The following HAUS6 variants were observed in gnomAD, a reference collection of about 807,000 sequenced individuals.
The protein encoded by HAUS6 is HAUS augmin like complex subunit 6.
HAUS6 carries 80 observed loss-of-function variants against 106.8 expected under a neutral mutation model. The ratio of observed to expected loss-of-function variants is 0.75; its 90% CI spans 0.63 to 0.90. The LOEUF is 0.90. Ranked by LOEUF, HAUS6 falls within the 40% of genes least tolerant of loss-of-function variation. The pLI, the probability that HAUS6 is intolerant of heterozygous loss-of-function variation, is 0.00. For synonymous variants in HAUS6, 356 were observed against 379.1 expected (o/e 0.94, Z 0.71); for missense variants, 1,155 against 1,118.1 (o/e 1.03, Z -0.47).
chr9:19,080,243 A>T (rs1417236826), intron 9 of HAUS6, among the ~76,000 whole-genome samples: 1 of 151,922 alleles, frequency 6.6e-6, no homozygotes, highest in Non-Finnish European at 1.5e-5. Context: ...AGAAAACTAC[A>T]GAAAAGCTAA....
chr9:19,079,891 G>A (rs181336771), intron 9 of HAUS6, among the ~76,000 whole-genome samples: 5,180 of 142,828 alleles, frequency 0.036, 107 homozygotes, highest in Non-Finnish European at 0.053. Context: ...AAAAAAAAAA[G>A]GGGCCTGGCT....
At chr9:19,065,386 AACAC>A (rs1367892399) in intron 12 of HAUS6, among the ~76,000 whole-genome samples, 1 of 152,256 alleles carries the variant, frequency 6.6e-6, no homozygotes, top group Non-Finnish European at 1.5e-5. Flanking sequence ...AAAAAAGAGG[AACAC>A]ACTTTTTATA....
intron 5 of HAUS6, among the ~76,000 whole-genome samples, chr9:19,088,638 C>T (rs991157549): frequency 2.0e-5 from 3 of 149,744 alleles, no homozygotes; most frequent in Admixed American, 6.7e-5. Flanking sequence ...GAGGCCAAGG[C>T]AGGCGGATCA....
intron 15 of HAUS6, among the ~76,000 whole-genome samples, chr9:19,059,339 T>A (rs867310219): frequency 6.6e-6 from 1 of 152,246 alleles, no homozygotes; most frequent in African/African-American, 2.4e-5. Context: ...CAGATAGCAA[T>A]ATTTTAGGCT....
At chr9:19,096,292 T>C (rs1253756673) in intron 2 of HAUS6, among the ~76,000 whole-genome samples, 1 of 152,090 alleles carries the variant, frequency 6.6e-6, no homozygotes, top group Non-Finnish European at 1.5e-5. Context: ...ATGCCGGGCG[T>C]GGTGGCTCAC....
intron 4 of HAUS6, among the ~76,000 whole-genome samples, chr9:19,091,848 G>C (rs1817757245): frequency 6.6e-6 from 1 of 151,956 alleles, no homozygotes; most frequent in South Asian, 2.1e-4. Context: ...TTTCAGTAAT[G>C]ACAGGGTTTC....
chr9:19,085,740 C>T (rs1436723373), intron 7 of HAUS6, among the ~76,000 whole-genome samples: 2 of 151,976 alleles, frequency 1.3e-5, no homozygotes, highest in East Asian at 1.9e-4. Flanking sequence ...ATTTTGATTC[C>T]TCATTTTCCT....
At chr9:19,065,043 T>G (rs556779753) in intron 12 of HAUS6, 15 of 152,350 alleles carry the variant, frequency 9.8e-5, no homozygotes, top group Admixed American at 6.5e-4. Flanking sequence ...TGTTAACTAT[T>G]TGATGGATTG....
rs1400522840 is a variant in HAUS6 at position 19,058,945 on chromosome 9, T to C, written c.1822A>G (p.Lys608Glu). The C allele has an allele frequency of 5.6e-6, 9 of 1,603,706 alleles. No homozygotes were observed. Among genetic ancestry groups the C allele is most frequent in the Non-Finnish European group, 7.7e-6 (9 of 1,170,934 alleles). ...TCAGCATCCATTTGAATTGGTTCTT[T>C]AGTTCTGTTTTCTTCCATTTCAATA... ...KAIEMEENRTKEPIQMDAEHR... is the reference protein window; with the variant it reads ...KAIEMEENRTEEPIQMDAEHR... The change falls in exon 16 of 17, where the codon AAA becomes GAA. Residue 608 changes from lysine (K) to glutamate (E), a missense_variant. Physicochemically the swap from Lys to Glu is moderately conservative, Grantham distance 56 (BLOSUM62 1). Transcript: ENST00000380502.
chr9:19,086,219 G>A (rs1168124185), intron 7 of HAUS6, among the ~76,000 whole-genome samples: 1 of 151,880 alleles, frequency 6.6e-6, no homozygotes, highest in African/African-American at 2.4e-5. Flanking sequence ...GCTGAGGCAG[G>A]AGAATTGCTT....
intron 7 of HAUS6, among the ~76,000 whole-genome samples, chr9:19,084,958 C>T (rs62563643): frequency 0.14 from 21,528 of 151,828 alleles, 1,782 homozygotes; most frequent in African/African-American, 0.24. Flanking sequence ...AGACGGGTCT[C>T]GCTCTGTTGC....
chr9:19,072,762 G>A (rs1836906800), intron 11 of HAUS6, among the ~76,000 whole-genome samples: 2 of 151,898 alleles, frequency 1.3e-5, no homozygotes, highest in African/African-American at 4.8e-5. Context: ...TTCTCAAAAG[G>A]AGAAGAACAA....
At chr9:19,089,632 A>C in intron 4 of HAUS6, 73 bp from the exon 5 acceptor site, 1 of 1,129,310 alleles carries the variant, frequency 8.9e-7, no homozygotes, top group African/African-American at 1.6e-5. Flanking sequence ...AATGAACATT[A>C]GTGTCACTAA....
Position 19,102,476 on chromosome 9 carries a change from C to A in HAUS6, c.128+48G>T, listed in dbSNP as rs1818010845. ...GTCTACAAAAGGGGGAGTCCCCCGG[C>A]GTCCCCCGGTTCAGGCTCCCTCGCC... is the stretch of plus-strand genomic sequence containing the variant. On this transcript the variant is annotated intron_variant, in intron 1 of 16. Coordinates refer to ENST00000380502, the MANE Select transcript of HAUS6 (RefSeq NM_017645.5). The A allele has an allele frequency of 1.9e-6, 3 of 1,584,440 alleles. No homozygotes were observed. In the Admixed American group the frequency reaches 5.2e-5, roughly 27 times the overall value.
intron 9 of HAUS6, among the ~76,000 whole-genome samples, chr9:19,080,174 C>CAAAAAAAAA (rs746423003): frequency 2.7e-5 from 1 of 37,592 alleles, no homozygotes; most frequent in African/African-American, 8.9e-5. Context: ...AACTCCGTCT[C>CAAAAAAAAA]AAAAAAAAAA....
intron 14 of HAUS6, among the ~76,000 whole-genome samples, chr9:19,061,343 T>C (rs1836614195): frequency 6.6e-6 from 1 of 152,236 alleles, no homozygotes; most frequent in Non-Finnish European, 1.5e-5. Flanking sequence ...TTTAAGACTT[T>C]CCTCTTCTAT....
At chr9:19,088,025 AAAATAGCATT>A (rs1190957695) in intron 5 of HAUS6, among the ~76,000 whole-genome samples, 1 of 152,206 alleles carries the variant, frequency 6.6e-6, no homozygotes, top group Non-Finnish European at 1.5e-5. Context: ...ACCTAAACAT[AAAATAGCATT>A]AAGTGGTTTA....
chr9:19,102,281 T>C (rs988611768), intron 1 of HAUS6, among the ~76,000 whole-genome samples: 15 of 152,060 alleles, frequency 9.9e-5, no homozygotes, highest in African/African-American at 3.6e-4. Flanking sequence ...AGTCTTGCAC[T>C]CTCCCCATCT....
chr9:19,073,395 C>T (rs1223469273), intron 11 of HAUS6, among the ~76,000 whole-genome samples: 2 of 150,580 alleles, frequency 1.3e-5, no homozygotes, highest in Non-Finnish European at 1.5e-5. Context: ...TTGAAGTAGC[C>T]CAGCTCAGAT....
Sources: allele counts gnomAD v4.1 joint callset (sites outside exome capture counted in the v4.1 genomes callset), GRCh38; gene constraint gnomAD v4.1.1; transcripts MANE v1.5; gene names NCBI Gene and HGNC (gene_info 2026-07-23, HGNC 2026-07-21).